The following MYOM2 variants were observed in gnomAD, a reference collection of about 807,000 sequenced individuals.
MYOM2 encodes myomesin-2.
Under a neutral mutation model 187.6 loss-of-function variants are expected in MYOM2, and 254 were observed. That is an observed-to-expected ratio of 1.35 (90% CI 1.22 to 1.50). MYOM2 has a LOEUF of 1.50. Among genes scored for constraint, MYOM2 ranks in the 40% most tolerant of loss-of-function variants. MYOM2 has a pLI of 0.00. For missense variants in MYOM2, 2,796 were observed against 1,924.0 expected, an observed-to-expected ratio of 1.45 and a Z score of -8.48; for synonymous variants, 981 against 753.8, an observed-to-expected ratio of 1.30 and a Z score of -4.94.
At chr8:2,130,051 C>G (rs1461784746) in intron 32 of MYOM2, among the ~76,000 whole-genome samples, 1 of 152,090 alleles carries the variant, frequency 6.6e-6, no homozygotes, top group African/African-American at 2.4e-5. Context: ...GTCAAGGCAC[C>G]CAGATGTTAA....
At chr8:2,084,021 T>C (rs961003362) in intron 13 of MYOM2, among the ~76,000 whole-genome samples, 3 of 152,258 alleles carry the variant, frequency 2.0e-5, no homozygotes, top group Non-Finnish European at 4.4e-5. Flanking sequence ...TTGTTCCTTC[T>C]GTCCCCTTGG....
chr8:2,108,753 C>T, intron 23 of MYOM2, 33 bp from the exon 24 acceptor site: 2 of 1,612,272 alleles, frequency 1.2e-6, no homozygotes, highest in East Asian at 2.2e-5. Flanking sequence ...GGTGCAGGTC[C>T]AGATGAATTG....
chr8:2,129,098 T>G lies in MYOM2; in HGVS notation c.3695-29T>G, dbSNP rs746090582. 6 of 1,546,178 alleles carry G rather than the reference T, an allele frequency of 3.9e-6. No individual in the cohort carries two copies. In the African/African-American group the frequency reaches 8.1e-5, roughly 21 times the overall value. ...ATCACACAGCAGGCACTCCTTTTCC[T>G]AGATCTGAGGATGTTTTATTTTCTG... is the stretch of plus-strand genomic sequence containing the variant. On this transcript the variant is annotated intron_variant, in intron 31 of 36. Transcript: ENST00000262113.
In MYOM2 at chr8:2,129,250, C is replaced by T. The variant is rs762247177; in HGVS notation, c.3800+18C>T. On this transcript the variant is annotated intron_variant, in intron 32 of 36. Coordinates refer to ENST00000262113, the MANE Select transcript of MYOM2 (RefSeq NM_003970.4). The stretch of plus-strand genomic sequence containing the variant: ...TGTCACAAGTAAGTATGACAGCAGC[C>T]GATGGAGGCCATGCCATAGATGGGG... The T allele has an allele frequency of 5.2e-6, 8 of 1,552,260 alleles. No homozygotes were observed. The highest frequency in any genetic ancestry group is 2.3e-5 in the East Asian group (1 of 44,242).
chr8:2,050,853 G>A lies in MYOM2; in HGVS notation c.87G>A (p.Leu29=). The A allele has an allele frequency of 6.2e-7, 1 of 1,610,796 alleles. No homozygotes were observed. The highest frequency in any genetic ancestry group is 8.5e-7 in the Non-Finnish European group (1 of 1,177,142). ...SYRNIQTRYL[L]DEYASKKRAS... ...GTAATATTCAAACACGGTACCTGCT[G>A]GACGAATATGCGTCAAAAAAGTAAG... The change falls in exon 2 of 37, where the codon CTG becomes CTA. Residue 29 remains leucine (L), a synonymous_variant. Transcript: ENST00000262113.
intron 27 of MYOM2, 78 bp from the exon 28 acceptor site, chr8:2,117,807 A>G (rs1797298013): frequency 1.2e-6 from 1 of 811,572 alleles, no homozygotes; most frequent in South Asian, 1.8e-5. Flanking sequence ...ATGTGTGGGT[A>G]TATATATATA....
chr8:2,111,943 G>C (rs1797081050), intron 25 of MYOM2, among the ~76,000 whole-genome samples: 1 of 152,212 alleles, frequency 6.6e-6, no homozygotes, highest in Non-Finnish European at 1.5e-5. Context: ...AATTGCGAAG[G>C]TGATTTTTGT....
intron 14 of MYOM2, among the ~76,000 whole-genome samples, chr8:2,088,098 G>T (rs1301027156): frequency 6.6e-6 from 1 of 151,840 alleles, no homozygotes; most frequent in Non-Finnish European, 1.5e-5. Flanking sequence ...GGGGTATTTG[G>T]TTACATGAGT....
chr8:2,112,040 A>AAG (rs1376132996), intron 25 of MYOM2, among the ~76,000 whole-genome samples: 1 of 152,182 alleles, frequency 6.6e-6, no homozygotes, highest in African/African-American at 2.4e-5. Flanking sequence ...TGAAACAAAA[A>AAG]TTGCAGCATC....
At chr8:2,128,608 G>A (rs772063812) in intron 31 of MYOM2, among the ~76,000 whole-genome samples, 8 of 152,188 alleles carry the variant, frequency 5.3e-5, no homozygotes, top group Non-Finnish European at 7.4e-5. Flanking sequence ...GTGTGTTCTC[G>A]TTTATTGCAT....
At chr8:2,101,204 C>G in intron 20 of MYOM2, 150 bp downstream of exon 20, 1 of 742,176 alleles carries the variant, frequency 1.3e-6, no homozygotes. Flanking sequence ...AAAAATTAGC[C>G]GGGCATGGCA....
chr8:2,112,515 C>A (rs114827969), intron 25 of MYOM2, among the ~76,000 whole-genome samples: 2,422 of 151,878 alleles, frequency 0.016, 62 homozygotes, highest in African/African-American at 0.056. Flanking sequence ...GTGGGCTCAA[C>A]GGAGGGGGCT....
At chr8:2,099,643 C>G (rs538527318) in intron 19 of MYOM2, among the ~76,000 whole-genome samples, 2 of 152,224 alleles carry the variant, frequency 1.3e-5, no homozygotes, top group South Asian at 4.1e-4. Context: ...TGGTCTTGAA[C>G]TCCTGGGCTC....
chr8:2,120,381 C>A (rs1797383557), intron 28 of MYOM2, among the ~76,000 whole-genome samples: 1 of 151,742 alleles, frequency 6.6e-6, no homozygotes, highest in Non-Finnish European at 1.5e-5. Flanking sequence ...AGCGGGGACA[C>A]TGGGGTGTGA....
intron 12 of MYOM2, 131 bp downstream of exon 12, chr8:2,079,064 G>C (rs1220637865): frequency 3.6e-6 from 3 of 825,548 alleles, no homozygotes; most frequent in Non-Finnish European, 5.8e-6. Flanking sequence ...CATAGCACAG[G>C]CTGTTACAAC....
At chr8:2,116,489 CG>C (rs1797250211) in intron 27 of MYOM2, among the ~76,000 whole-genome samples, 1 of 152,070 alleles carries the variant, frequency 6.6e-6, no homozygotes, top group Non-Finnish European at 1.5e-5. Context: ...AATGTCCAGA[CG>C]GAGTCCAGCA....
intron 8 of MYOM2, among the ~76,000 whole-genome samples, chr8:2,071,059 C>T (rs981822932): frequency 1.3e-5 from 2 of 152,140 alleles, no homozygotes; most frequent in Non-Finnish European, 2.9e-5. Flanking sequence ...CCTTGATCTC[C>T]CTGGCTCAAG....
chr8:2,124,133 GT>G (rs1394145108), intron 30 of MYOM2, 45 bp from the exon 31 acceptor site: 1 of 1,571,590 alleles, frequency 6.4e-7, no homozygotes, highest in Non-Finnish European at 8.7e-7. Context: ...GCTGCTTTCG[GT>G]TAAAGTTACA....
At chr8:2,137,192 G>A (rs1391322438) in intron 32 of MYOM2, among the ~76,000 whole-genome samples, 4 of 151,654 alleles carry the variant, frequency 2.6e-5, no homozygotes, top group Non-Finnish European at 5.9e-5. Flanking sequence ...AGTTAATGGT[G>A]ATCAAGAAAA....
Sources: allele counts gnomAD v4.1 joint callset (sites outside exome capture counted in the v4.1 genomes callset), GRCh38; gene constraint gnomAD v4.1.1; transcripts MANE v1.5; gene names NCBI Gene and HGNC (gene_info 2026-07-23, HGNC 2026-07-21).